Variants in LRRC1 observed in about 807,000 individuals in gnomAD.
The protein encoded by LRRC1 is leucine-rich repeat-containing protein 1.
A neutral mutation model predicts 69.9 loss-of-function variants in LRRC1; 28 were observed. That is an observed-to-expected ratio of 0.40 (90% CI 0.30 to 0.55). LRRC1 has a LOEUF of 0.55. Ranked by LOEUF, LRRC1 falls within the 20% of genes least tolerant of loss-of-function variation. The probability of loss-of-function intolerance (pLI) is 0.47; values close to 1 mark genes in which losing one functional copy is unlikely to be tolerated. For synonymous variants in LRRC1, 236 were observed against 240.2 expected (o/e 0.98, Z 0.16); for missense variants, 498 against 609.0 (o/e 0.82, Z 1.92).
At chr6:53,858,089 T>C (rs530232237) in intron 2 of LRRC1, among the ~76,000 whole-genome samples, 7 of 152,272 alleles carry the variant, frequency 4.6e-5, no homozygotes, top group African/African-American at 1.2e-4. Flanking sequence ...TCACCAATTA[T>C]CTCCTTCTGG....
At chr6:53,808,995 C>G (rs573538211) in intron 1 of LRRC1, among the ~76,000 whole-genome samples, 3 of 152,184 alleles carry the variant, frequency 2.0e-5, no homozygotes, top group Non-Finnish European at 4.4e-5. Context: ...TTCCTACTTT[C>G]AGGATGTAAC....
chr6:53,848,475 C>T (rs573577452), intron 2 of LRRC1, among the ~76,000 whole-genome samples: 6 of 152,238 alleles, frequency 3.9e-5, no homozygotes, highest in Admixed American at 3.3e-4. Flanking sequence ...ACGCTGAAAA[C>T]GTTGGGATAA....
intron 2 of LRRC1, among the ~76,000 whole-genome samples, chr6:53,862,313 G>A (rs1317502606): frequency 6.6e-6 from 1 of 151,730 alleles, no homozygotes; most frequent in Admixed American, 6.6e-5. Flanking sequence ...GTGTGTGTGT[G>A]TGTGTGTGTG....
intron 1 of LRRC1, among the ~76,000 whole-genome samples, chr6:53,796,718 T>A (rs138411498): frequency 6.8e-4 from 104 of 152,312 alleles, no homozygotes; most frequent in Middle Eastern, 3.4e-3. Flanking sequence ...ATGGAGATTA[T>A]CCTCACTAGG....
intron 1 of LRRC1, among the ~76,000 whole-genome samples, chr6:53,834,716 A>G (rs949357297): frequency 7.2e-5 from 11 of 152,194 alleles, no homozygotes; most frequent in African/African-American, 2.2e-4. Context: ...ATCTGTGCCT[A>G]TAATACCAGC....
chr6:53,870,654 TTC>T (rs1303301260), intron 2 of LRRC1, among the ~76,000 whole-genome samples: 5 of 152,214 alleles, frequency 3.3e-5, no homozygotes, highest in African/African-American at 1.2e-4. Flanking sequence ...GTTCAAAATC[TTC>T]TCTTTTAGTT....
At chr6:53,822,709 T>G (rs909113739) in intron 1 of LRRC1, among the ~76,000 whole-genome samples, 1 of 152,222 alleles carries the variant, frequency 6.6e-6, no homozygotes, top group Non-Finnish European at 1.5e-5. Context: ...TCACTGACTG[T>G]AACTAAATTC....
At chr6:53,904,630 T>C (rs1768172728) in intron 10 of LRRC1, 168 bp downstream of exon 10, 1 of 439,032 alleles carries the variant, frequency 2.3e-6, no homozygotes, top group Non-Finnish European at 4.1e-6. Flanking sequence ...TGTCAAAGAA[T>C]GATCATCAGT....
At chr6:53,822,806 A>C (rs1381576144) in intron 1 of LRRC1, among the ~76,000 whole-genome samples, 1 of 152,118 alleles carries the variant, frequency 6.6e-6, no homozygotes, top group Non-Finnish European at 1.5e-5. Flanking sequence ...TAAAGAATTC[A>C]TTGTCTGTGA....
chr6:53,857,757 C>A (rs1035895454), intron 2 of LRRC1, among the ~76,000 whole-genome samples: 3 of 152,208 alleles, frequency 2.0e-5, no homozygotes, highest in Non-Finnish European at 2.9e-5. Context: ...TCACAGCCCA[C>A]ATTGCTTGTT....
At chr6:53,861,823 A>G (rs1766535825) in intron 2 of LRRC1, among the ~76,000 whole-genome samples, 1 of 151,910 alleles carries the variant, frequency 6.6e-6, no homozygotes, top group African/African-American at 2.4e-5. Context: ...GACAAACACT[A>G]TAGTTCGGGC....
intron 8 of LRRC1, among the ~76,000 whole-genome samples, chr6:53,901,381 AATAAAATT>A (rs777729350): frequency 1.6e-4 from 24 of 152,116 alleles, no homozygotes; most frequent in Non-Finnish European, 3.2e-4. Context: ...ATCTACCAAA[AATAAAATT>A]ATTAGCCAAG....
rs199701206 is a variant in LRRC1, at chr6:53,920,680, A to C, written c.1335A>C (p.Glu445Asp). ...LENLVNDVSD[E>D]AWNERAVNRV... Reference sequence around the variant, plus strand: ...ACTTGGTAAATGATGTCTCTGATGAAGCCTGGAACGAGCGTGCTGTCAACA... The same window carrying C: ...ACTTGGTAAATGATGTCTCTGATGACGCCTGGAACGAGCGTGCTGTCAACA... The change falls in exon 13 of 14, where the codon GAA (glutamate) becomes GAC (aspartate). Residue 445 changes from glutamate to aspartate, a missense_variant. By Grantham distance (45) the Glu-to-Asp change is conservative (BLOSUM62 2). Coordinates refer to ENST00000370888, the MANE Select transcript of LRRC1 (RefSeq NM_018214.5). 6.2e-7 allele frequency: 1 copy of C among 1,614,172 alleles called. No individual in the cohort carries two copies. The highest frequency in any genetic ancestry group is 8.5e-7 in the Non-Finnish European group (1 of 1,180,020).
intron 13 of LRRC1, among the ~76,000 whole-genome samples, chr6:53,921,521 TAAC>T (rs1307867414): frequency 2.6e-5 from 4 of 152,310 alleles, no homozygotes; most frequent in Non-Finnish European, 5.9e-5. Context: ...TTGGATTAGT[TAAC>T]AAGTTTTTGT....
intron 1 of LRRC1, among the ~76,000 whole-genome samples, chr6:53,839,125 T>C (rs562644991): frequency 1.1e-4 from 16 of 152,236 alleles, no homozygotes; most frequent in Non-Finnish European, 1.9e-4. Context: ...ATCATTTTTC[T>C]TATTTGAAAT....
At chr6:53,889,675 T>G (rs1028630688) in intron 4 of LRRC1, among the ~76,000 whole-genome samples, 2 of 152,200 alleles carry the variant, frequency 1.3e-5, no homozygotes, top group Admixed American at 6.5e-5. Context: ...TGAATTTTCT[T>G]TTCGGTATGA....
At chr6:53,886,243 A>G (rs1406521861) in intron 4 of LRRC1, among the ~76,000 whole-genome samples, 1 of 152,200 alleles carries the variant, frequency 6.6e-6, no homozygotes, top group Admixed American at 6.5e-5. Context: ...AGGTTAATTG[A>G]TATAAACAAG....
intron 2 of LRRC1, among the ~76,000 whole-genome samples, chr6:53,845,856 T>A (rs1317426085): frequency 6.6e-6 from 1 of 152,158 alleles, no homozygotes; most frequent in African/African-American, 2.4e-5. Context: ...ATCTTAGACA[T>A]CACCACCTGC....
intron 1 of LRRC1, among the ~76,000 whole-genome samples, chr6:53,805,852 G>A (rs1764622902): frequency 6.6e-6 from 1 of 152,176 alleles, no homozygotes; most frequent in African/African-American, 2.4e-5. Context: ...ACACAGATGT[G>A]ACAGTGATTG....
Sources: gnomAD v4.1 joint callset for allele counts (sites outside exome capture counted in the v4.1 genomes callset) on GRCh38, gnomAD v4.1.1 for gene constraint, MANE v1.5 for transcripts, NCBI Gene and HGNC (gene_info 2026-07-23, HGNC 2026-07-21) for gene names.